RELB: variants seen among roughly 807,000 people sequenced by gnomAD.
RELB encodes RELB proto-oncogene, NF-kB subunit.
Under a neutral mutation model 55.4 loss-of-function variants are expected in RELB, and 14 were observed. The ratio of observed to expected loss-of-function variants is 0.25; its 90% CI spans 0.17 to 0.40. The LOEUF is 0.40. Among genes scored for constraint, RELB ranks in the 10% least tolerant of loss-of-function variants. The probability of loss-of-function intolerance (pLI) is 1.00; values close to 1 mark genes in which losing one functional copy is unlikely to be tolerated. For synonymous variants in RELB, 409 were observed against 371.3 expected, an observed-to-expected ratio of 1.10 and a Z score of -1.17; for missense variants, 669 against 830.7, an observed-to-expected ratio of 0.81 and a Z score of 2.39.
chr19:45,014,168 C>CTTTTTTTTTTTT (rs113601074), intron 4 of RELB, among the ~76,000 whole-genome samples: 3 of 126,800 alleles, frequency 2.4e-5, no homozygotes, highest in African/African-American at 9.3e-5. Flanking sequence ...ATTTCTAAGG[C>CTTTTTTTTTTTT]TTTTTTTTTT....
chr19:45,011,217 C>T (rs955383965), intron 3 of RELB, among the ~76,000 whole-genome samples: 1 of 151,572 alleles, frequency 6.6e-6, no homozygotes, highest in Non-Finnish European at 1.5e-5. Flanking sequence ...GGATGGAGTG[C>T]AGTGACGCAA....
chr19:45,012,220 G>T lies in RELB; in HGVS notation c.448G>T (p.Gly150Cys). The change falls in exon 4 of 12, where the codon GGC becomes TGC. Residue 150 changes from glycine to cysteine, a missense_variant. Physicochemically the swap from Gly to Cys is radical, Grantham distance 159 (BLOSUM62 -3). Coordinates refer to ENST00000221452, the MANE Select transcript of RELB (RefSeq NM_006509.4). ...FRYECEGRSA[G>C]SILGESSTEA... ...CTACGAGTGCGAGGGCCGCTCGGCC[G>T]GCAGCATCCTTGGGGAGAGCAGCAC... 6.7e-7 allele frequency: 1 copy of T among 1,493,342 alleles called. No individual in the cohort carries two copies. The highest frequency in any genetic ancestry group is 8.8e-7 in the Non-Finnish European group (1 of 1,136,280). The allele number at this position is 1,493,342 out of a possible 1,614,324, so 92.5% of individuals were successfully genotyped here.
chr19:45,032,894 T>A, intron 9 of RELB, 145 bp downstream of exon 9: 1 of 716,088 alleles, frequency 1.4e-6, no homozygotes, highest in Non-Finnish European at 2.3e-6. Context: ...GCTCTGCTGC[T>A]TACTGGTTGT....
chr19:45,037,502 C>T lies in RELB; in HGVS notation c.1452C>T (p.Leu484=), dbSNP rs764020931. 2.2e-5 allele frequency: 35 copies of T among 1,612,960 alleles called. No individual in the cohort carries two copies. Among genetic ancestry groups the T allele is most frequent in the Non-Finnish European group, 2.9e-5 (34 of 1,179,752 alleles). ...PGLEPPGGPD[L]LDDGFAYDPT... ...TGGAGCCCCCTGGCGGGCCTGACCT[C>T]CTGGACGATGGCTTTGCCTACGACC... Residue 484 remains leucine (L), a synonymous_variant, in exon 12 of 12, where the codon CTC becomes CTT. Coordinates refer to ENST00000221452, the MANE Select transcript of RELB (RefSeq NM_006509.4).
At chr19:45,019,574 T>C (rs1436778112) in intron 4 of RELB, among the ~76,000 whole-genome samples, 2 of 152,230 alleles carry the variant, frequency 1.3e-5, no homozygotes, top group Non-Finnish European at 2.9e-5. Context: ...ATGTGTTTTA[T>C]AGTTGTTTCT....
chr19:45,012,371 CTGTTGT>C, intron 4 of RELB, 95 bp downstream of exon 4: 1 of 729,630 alleles, frequency 1.4e-6, no homozygotes, highest in Non-Finnish European at 2.0e-6. Context: ...TTGATGGTGG[CTGTTGT>C]TGTTATTGTT....
chr19:45,036,528 G>A (rs1211160247), intron 11 of RELB, among the ~76,000 whole-genome samples: 1 of 152,048 alleles, frequency 6.6e-6, no homozygotes, highest in Admixed American at 6.6e-5. Flanking sequence ...CACTTTTTGG[G>A]TTGTCTCTGT....
chr19:45,021,267 A>T (rs949648249), intron 4 of RELB, among the ~76,000 whole-genome samples: 2 of 151,826 alleles, frequency 1.3e-5, no homozygotes, highest in African/African-American at 4.8e-5. Flanking sequence ...AGGTCAGGAG[A>T]TCGAGACCAT....
At position 45,008,047 on chromosome 19, in the gene RELB, G is replaced by A. The variant is rs549970487; in HGVS notation, c.155-1767G>A. Among the ~76,000 whole-genome samples the A allele has an allele frequency of 2.0e-3, 293 of 143,540 alleles. 1 individual carries two copies. Among genetic ancestry groups the A allele is most frequent in the African/African-American group, 6.9e-3 (267 of 38,732 alleles). The allele number at this position is 143,540 out of a possible 152,430, so 94.2% of individuals were successfully genotyped here. On this transcript the variant is annotated intron_variant, in intron 2 of 11. Coordinates refer to ENST00000221452, the MANE Select transcript of RELB (RefSeq NM_006509.4). ...AAGCCGGGTGTGGTGGTGTGCACCT[G>A]TAATCTCAGCTACTCGGGAGGCTGA...
intron 4 of RELB, among the ~76,000 whole-genome samples, chr19:45,016,003 A>AT (rs201077222): frequency 0.011 from 1,599 of 149,854 alleles, 16 homozygotes; most frequent in Non-Finnish European, 0.018. Flanking sequence ...TTATTTTATT[A>AT]TTATTTTTTT....
At chr19:45,009,792 T>C in intron 2 of RELB, 22 bp from the exon 3 acceptor site, 1 of 1,599,142 alleles carries the variant, frequency 6.3e-7, no homozygotes, top group East Asian at 2.2e-5. Context: ...CCTTTCTCTT[T>C]CTCTTTCTCT....
At chr19:45,029,943 A>G (rs1811154900) in intron 8 of RELB, among the ~76,000 whole-genome samples, 1 of 151,180 alleles carries the variant, frequency 6.6e-6, no homozygotes, top group Admixed American at 6.6e-5. Context: ...TGAGGCGGGC[A>G]GATCACTTGA....
At chr19:45,030,820 G>T (rs1349170579) in intron 8 of RELB, among the ~76,000 whole-genome samples, 1 of 152,138 alleles carries the variant, frequency 6.6e-6, no homozygotes, top group African/African-American at 2.4e-5. Context: ...GTAAAGTGAA[G>T]AAACTGGTTC....
At chr19:45,007,216 T>C (rs1971292845) in intron 2 of RELB, among the ~76,000 whole-genome samples, 1 of 152,160 alleles carries the variant, frequency 6.6e-6, no homozygotes, top group South Asian at 2.1e-4. Context: ...ACATCTGCTC[T>C]CACGTGGCCC....
At chr19:45,002,873 T>G (rs1600058843) in intron 1 of RELB, 76 bp from the exon 2 acceptor site, 1 of 1,265,042 alleles carries the variant, frequency 7.9e-7, no homozygotes, top group Non-Finnish European at 1.1e-6. Context: ...GAGGAAGGGG[T>G]GGGGCTTCCT....
At chr19:45,009,886 T>C in intron 3 of RELB, 64 bp downstream of exon 3, 1 of 1,297,206 alleles carries the variant, frequency 7.7e-7, no homozygotes, top group Non-Finnish European at 1.1e-6. Context: ...GAAGGGGGTC[T>C]TGGCCTTCCT....
chr19:45,005,119 G>A (rs967331504), intron 2 of RELB, among the ~76,000 whole-genome samples: 3 of 151,864 alleles, frequency 2.0e-5, no homozygotes, highest in Non-Finnish European at 2.9e-5. Flanking sequence ...TGCAGTGAGC[G>A]GGGATCGTGC....
intron 4 of RELB, among the ~76,000 whole-genome samples, chr19:45,021,631 G>A (rs936376663): frequency 8.3e-6 from 1 of 120,036 alleles, no homozygotes; most frequent in Non-Finnish European, 1.6e-5. Context: ...CTGGAGTGCA[G>A]TGTCAAGAAC....
chr19:45,008,574 GCC>G (rs1971311770), intron 2 of RELB: 1 of 455,712 alleles, frequency 2.2e-6, no homozygotes, highest in Admixed American at 2.4e-5. Flanking sequence ...ATCCCCATCT[GCC>G]AAATTGGGGG....
Sources: gnomAD v4.1 joint callset for allele counts (sites outside exome capture counted in the v4.1 genomes callset) on GRCh38, gnomAD v4.1.1 for gene constraint, MANE v1.5 for transcripts, NCBI Gene and HGNC (gene_info 2026-07-23, HGNC 2026-07-21) for gene names.